PIEZO2: variants seen among roughly 807,000 people sequenced by gnomAD.
The protein encoded by PIEZO2 is piezo type mechanosensitive ion channel component 2.
A neutral mutation model predicts 337.3 loss-of-function variants in PIEZO2; 172 were observed. The ratio of observed to expected loss-of-function variants is 0.51; its 90% CI spans 0.45 to 0.58. PIEZO2 has a LOEUF of 0.58. PIEZO2 is among the 20% of genes least tolerant of loss of function. The pLI is 0.00. For synonymous variants in PIEZO2, 1,251 were observed against 1,228.5 expected (o/e 1.02, Z -0.38); for missense variants, 3,028 against 3,391.3 (o/e 0.89, Z 2.66).
intron 13 of PIEZO2, among the ~76,000 whole-genome samples, chr18:10,793,657 T>C (rs559818159): frequency 1.3e-5 from 2 of 152,258 alleles, no homozygotes; most frequent in East Asian, 1.9e-4. Context: ...GGTCTGTGTT[T>C]AAGAGGAAAG....
chr18:11,124,321 A>AATG (rs2040120579), intron 1 of PIEZO2, among the ~76,000 whole-genome samples: 1 of 152,206 alleles, frequency 6.6e-6, no homozygotes, highest in Non-Finnish European at 1.5e-5. Flanking sequence ...TAAAGACCCA[A>AATG]AAGGAATGAA....
At chr18:10,910,532 G>A (rs1253528045) in intron 4 of PIEZO2, among the ~76,000 whole-genome samples, 6 of 152,008 alleles carry the variant, frequency 3.9e-5, no homozygotes, top group African/African-American at 9.7e-5. Context: ...GCAGTGAGCC[G>A]AGATCATGCC....
chr18:10,686,015 T>G (rs1639474375), intron 49 of PIEZO2, among the ~76,000 whole-genome samples: 1 of 152,176 alleles, frequency 6.6e-6, no homozygotes, highest in African/African-American at 2.4e-5. Flanking sequence ...TATTAGAATT[T>G]TTACTATTTT....
intron 35 of PIEZO2, among the ~76,000 whole-genome samples, 40 bp downstream of exon 35, chr18:10,735,192 C>G (rs1208027314): frequency 6.6e-6 from 1 of 152,110 alleles, no homozygotes; most frequent in African/African-American, 2.4e-5. Flanking sequence ...TTCTACAGAG[C>G]AGAGAGTCAC....
chr18:11,090,868 C>G (rs951579658), intron 1 of PIEZO2, among the ~76,000 whole-genome samples: 6 of 147,144 alleles, frequency 4.1e-5, no homozygotes, highest in Middle Eastern at 3.3e-3. Flanking sequence ...GAGCCGAGAT[C>G]GCGCCACTGC....
intron 7 of PIEZO2, among the ~76,000 whole-genome samples, chr18:10,831,381 A>G (rs1193433622): frequency 1.3e-5 from 2 of 152,206 alleles, no homozygotes; most frequent in Admixed American, 6.5e-5. Flanking sequence ...AGCAACATGG[A>G]TGGAACTGGA....
chr18:10,749,502 A>G (rs896994946), intron 29 of PIEZO2, among the ~76,000 whole-genome samples: 2 of 152,022 alleles, frequency 1.3e-5, no homozygotes, highest in Admixed American at 1.3e-4. Context: ...TAATAAATAA[A>G]TAGAGAGAGC....
At chr18:10,916,112 T>C (rs264292) in intron 3 of PIEZO2, among the ~76,000 whole-genome samples, 143,354 of 152,180 alleles carry the variant, frequency 0.94, 67,639 homozygotes, top group East Asian at 1. Context: ...CACAGAGCAC[T>C]GATTGGTGCG....
At chr18:11,066,014 G>T in intron 2 of PIEZO2, 113 bp downstream of exon 2, 1 of 798,188 alleles carries the variant, frequency 1.3e-6, no homozygotes, top group Non-Finnish European at 2.0e-6. Context: ...TGCCATATTA[G>T]CCCTGCTGCA....
At chr18:10,961,290 C>CTG (rs35997530) in intron 3 of PIEZO2, among the ~76,000 whole-genome samples, 77,827 of 151,912 alleles carry the variant, frequency 0.51, 20,246 homozygotes, top group African/African-American at 0.57. Context: ...AGATTGGAGA[C>CTG]TTATTCTAAG....
rs1214366721 is a variant in PIEZO2, at chr18:10,863,503, T to C, written c.493-6292A>G. 1.3e-5 allele frequency among the ~76,000 whole-genome samples: 2 copies of C among 152,186 alleles called. No homozygotes were observed. The highest frequency in any genetic ancestry group is 2.9e-5 in the Non-Finnish European group (2 of 68,036). Reference sequence around the variant, plus strand: ...CACCATCTACAAAGCAATGAAAGTTTAATAAAGAACAGGGAAGGACAAACT... The same window carrying C: ...CACCATCTACAAAGCAATGAAAGTTCAATAAAGAACAGGGAAGGACAAACT... On this transcript the variant is annotated intron_variant, in intron 5 of 55. Transcript: ENST00000674853. The surrounding 1 kb of genome is among the most constrained non-coding windows in gnomAD (Gnocchi z 4.3).
Position 10,696,550 on chromosome 18 carries a change from G to A in PIEZO2, c.6828-11C>T, listed in dbSNP as rs1387293830. On this transcript the variant is annotated splice_polypyrimidine_tract_variant and intron_variant, in intron 45 of 55. Coordinates refer to ENST00000674853, the MANE Select transcript of PIEZO2 (RefSeq NM_001378183.1). ...TAGATCTCCAGCGTCCTGCAAAATG[G>A]AGACCCCCACCCCCAACCCACTTGT... 2 of 1,612,868 alleles carry A rather than the reference G, an allele frequency of 1.2e-6. No individual in the cohort carries two copies. The highest frequency in any genetic ancestry group is 1.7e-6 in the Non-Finnish European group (2 of 1,179,838).
At chr18:11,142,684 G>C (rs1442548542) in intron 1 of PIEZO2, among the ~76,000 whole-genome samples, 3 of 151,122 alleles carry the variant, frequency 2.0e-5, no homozygotes, top group Non-Finnish European at 2.9e-5. Context: ...CGGAGGCTGA[G>C]GCAGAAGAAT....
chr18:11,078,649 G>A lies in PIEZO2; in HGVS notation c.65-12427C>T, dbSNP rs1568355073. ...TGGCATGAATTCAGCCTTGGACTCT[G>A]TCTGGGGATTATGCTTATGATACCA... On this transcript the variant is annotated intron_variant, in intron 1 of 55. Coordinates refer to ENST00000674853, the MANE Select transcript of PIEZO2 (RefSeq NM_001378183.1). The surrounding 1 kb of genome is among the most constrained non-coding windows in gnomAD (Gnocchi z 5.3). Among the ~76,000 whole-genome samples, 2 of 152,202 alleles carry A rather than the reference G, an allele frequency of 1.3e-5. No homozygotes were observed. Among genetic ancestry groups the A allele is most frequent in the Non-Finnish European group, 2.9e-5 (2 of 68,044 alleles).
intron 3 of PIEZO2, among the ~76,000 whole-genome samples, chr18:10,936,316 T>A (rs764288399): frequency 6.6e-6 from 1 of 152,190 alleles, no homozygotes; most frequent in African/African-American, 2.4e-5. Flanking sequence ...ACTTTACAGC[T>A]CATAAACCTT....
rs891755071 is a variant in PIEZO2, at chr18:10,991,492, G to A, written c.161-11832C>T. On this transcript the variant is annotated intron_variant, in intron 2 of 55. Coordinates refer to ENST00000674853, the MANE Select transcript of PIEZO2 (RefSeq NM_001378183.1). ...GAGAAGATGCAGTGCTTGGTTTTCT[G>A]TTCCTGCGTTGGTTTGCTGAGAATG... Among the ~76,000 whole-genome samples, 3 of 147,382 alleles carry A rather than the reference G, an allele frequency of 2.0e-5. No homozygotes were observed. The East Asian group carries it at 6.1e-4, about 30-fold the overall frequency.
In PIEZO2 at chr18:10,891,961, T is replaced by C. The variant is rs543836265; in HGVS notation, c.329+19225A>G. Among the ~76,000 whole-genome samples, 11 of 152,326 alleles carry C rather than the reference T, an allele frequency of 7.2e-5. No homozygotes were observed. In the South Asian group the frequency reaches 1.0e-3, roughly 14 times the overall value. On this transcript the variant is annotated intron_variant, in intron 4 of 55. Coordinates refer to ENST00000674853, the MANE Select transcript of PIEZO2 (RefSeq NM_001378183.1). ...TATGTTTCTTCATGCAGTTCAAGTG[T>C]GCTTTAATTTTCAGAAATGGGTCCG...
At chr18:10,935,825 C>T (rs759965361) in intron 3 of PIEZO2, among the ~76,000 whole-genome samples, 3 of 152,194 alleles carry the variant, frequency 2.0e-5, no homozygotes, top group Non-Finnish European at 4.4e-5. Flanking sequence ...CAGCAACGCT[C>T]CGGCAGTGGC....
At chr18:11,120,321 T>A (rs2039994847) in intron 1 of PIEZO2, among the ~76,000 whole-genome samples, 3 of 152,230 alleles carry the variant, frequency 2.0e-5, no homozygotes, top group Admixed American at 6.5e-5. Flanking sequence ...AATATGTTTT[T>A]TTTTCTCAAA....
Sources: allele counts gnomAD v4.1 joint callset (sites outside exome capture counted in the v4.1 genomes callset), GRCh38; gene constraint gnomAD v4.1.1; non-coding constraint Gnocchi (gnomAD v3.1); transcripts MANE v1.5; gene names NCBI Gene and HGNC (gene_info 2026-07-23, HGNC 2026-07-21).